CRIP2: variants seen among roughly 807,000 people sequenced by gnomAD.
CRIP2 encodes the protein cysteine-rich protein 2.
Under a neutral mutation model 31.3 loss-of-function variants are expected in CRIP2, and 31 were observed. The observed-to-expected ratio is 0.99, with a 90% confidence interval of 0.74 to 1.34. The LOEUF is 1.34. Ranked by LOEUF, CRIP2 falls within the 40% of genes most tolerant of loss-of-function variation. CRIP2 has a pLI of 0.00. For missense variants in CRIP2, 389 were observed against 301.6 expected (o/e 1.29, Z -2.15); for synonymous variants, 177 against 127.2 (o/e 1.39, Z -2.63).
At position 105,478,810 on chromosome 14, in the gene CRIP2, G is replaced by C. The variant is rs1363111204; in HGVS notation, c.276G>C (p.Glu92Asp). The change falls in exon 4 of 8, where the codon GAG (glutamate) becomes GAC (aspartate). Residue 92 changes from glutamate to aspartate, a missense_variant. By Grantham distance (45) the Glu-to-Asp change is conservative. Coordinates refer to ENST00000329146, the MANE Select transcript of CRIP2 (RefSeq NM_001312.4). This position sits in a 1 kb window ranked among gnomAD's most constrained non-coding sequence, Gnocchi z 4.9. Reference sequence around the variant, plus strand: ...GGCCGCAGGTCACCGGCCCCATCGAGGTCCCCGCGGCCCGAGCAGAGGAGC... The same window carrying C: ...GGCCGCAGGTCACCGGCCCCATCGACGTCCCCGCGGCCCGAGCAGAGGAGC... ...AEGPQVTGPIEVPAARAEERK... is the reference protein window; with the variant it reads ...AEGPQVTGPIDVPAARAEERK... 4.2e-6 allele frequency: 6 copies of C among 1,431,474 alleles called. No individual in the cohort carries two copies. The highest frequency in any genetic ancestry group is 5.9e-5 in the Admixed American group (2 of 33,936). 88.7% of individuals were successfully genotyped at this position (1,431,474 alleles called of 1,614,324 possible). A position where few individuals can be genotyped will look rare whatever the true frequency, so the allele number is the denominator to read the frequency against.
rs1293983106 is a variant in CRIP2, at chr14:105,478,088, C to T, written c.44-178C>T. Among the ~76,000 whole-genome samples, 1 of 151,260 alleles carries T rather than the reference C, an allele frequency of 6.6e-6. No individual in the cohort carries two copies. Among genetic ancestry groups the T allele is most frequent in the African/African-American group, 2.4e-5 (1 of 41,132 alleles). The stretch of plus-strand genomic sequence containing the variant: ...GAGGGAGAACAGGGCCTGGGGGCGA[C>T]GGGCTCCTCCGGGTCTCAGAAGGAG... On this transcript the variant is annotated intron_variant, in intron 1 of 7. Transcript: ENST00000329146. This position sits in a 1 kb window ranked among gnomAD's most constrained non-coding sequence, Gnocchi z 4.9.
rs587752934 is a variant in CRIP2, at chr14:105,479,742, C to T, written c.*89C>T. The T allele has an allele frequency of 2.2e-5, 31 of 1,396,278 alleles. No homozygotes were observed. The highest frequency in any genetic ancestry group is 1.7e-4 in the South Asian group (14 of 81,088). 86.5% of individuals were successfully genotyped at this position (1,396,278 alleles called of 1,614,324 possible). On this transcript the variant is annotated 3_prime_UTR_variant, in exon 8 of 8. Coordinates refer to ENST00000329146, the MANE Select transcript of CRIP2 (RefSeq NM_001312.4). ...TGGCTCTGCTGGGAGAGTGCTCAGC[C>T]GCCCAGTCCTGCCTGCAAGCCCAGG...
chr14:105,478,767 A>C lies in CRIP2; in HGVS notation c.233A>C (p.Glu78Ala). The C allele has an allele frequency of 1.4e-6, 2 of 1,429,804 alleles. No homozygotes were observed. The highest frequency in any genetic ancestry group is 1.8e-6 in the Non-Finnish European group (2 of 1,097,668). 88.6% of individuals were successfully genotyped at this position (1,429,804 alleles called of 1,614,324 possible). A position where few individuals can be genotyped will look rare whatever the true frequency, so the allele number is the denominator to read the frequency against. ...NIGGAGSYIY[E>A]KPLAEGPQVT... ...GGGGGCGCGGGCTCCTACATCTACG[A>C]GAAGCCCCTGGCGGAGGGGCCGCAG... The change falls in exon 4 of 8, where the codon GAG becomes GCG. Residue 78 changes from glutamate to alanine, a missense_variant. Physicochemically the swap from Glu to Ala is moderately radical, Grantham distance 107. Coordinates refer to ENST00000329146, the MANE Select transcript of CRIP2 (RefSeq NM_001312.4). This position sits in a 1 kb window ranked among gnomAD's most constrained non-coding sequence, Gnocchi z 4.9.
Position 105,478,658 on chromosome 14 carries a change from G to A in CRIP2, c.197-73G>A, listed in dbSNP as rs1555436477. 1.4e-6 allele frequency: 2 copies of A among 1,460,590 alleles called. No individual in the cohort carries two copies. Among genetic ancestry groups the A allele is most frequent in the Middle Eastern group, 2.5e-4 (1 of 4,070 alleles). The allele number at this position is 1,460,590 out of a possible 1,614,324, so 90.5% of individuals were successfully genotyped here. On this transcript the variant is annotated intron_variant, in intron 3 of 7. Coordinates refer to ENST00000329146, the MANE Select transcript of CRIP2 (RefSeq NM_001312.4). This position sits in a 1 kb window ranked among gnomAD's most constrained non-coding sequence, Gnocchi z 4.9. ...CCTAGTGCCCCCCAGTCCCCAGCGG[G>A]CCGTTTTCTGAGATGCCCGGTGGCC...
chr14:105,477,172 G>C (rs1383473312), intron 1 of CRIP2: 2 of 643,600 alleles, frequency 3.1e-6, no homozygotes, highest in Non-Finnish European at 3.9e-6. Context: ...GGCTCTGCTG[G>C]GCCCTTCCTG....
rs1555436407 is a variant in CRIP2, at chr14:105,478,457, G to A, written c.146G>A (p.Gly49Glu). ...LTPGGHAEHDGKPFCHKPCYA... is the reference protein window; with the variant it reads ...LTPGGHAEHDEKPFCHKPCYA... Reference sequence around the variant, plus strand: ...CCGCGCCCCTCTGCGCAGCATGACGGGAAGCCGTTCTGCCACAAGCCGTGC... The same window carrying A: ...CCGCGCCCCTCTGCGCAGCATGACGAGAAGCCGTTCTGCCACAAGCCGTGC... Residue 49 changes from glycine (G) to glutamate (E), a missense_variant, in exon 3 of 8, where the codon GGG becomes GAG. Transcript: ENST00000329146. This position sits in a 1 kb window ranked among gnomAD's most constrained non-coding sequence, Gnocchi z 4.9. 6.2e-7 allele frequency: 1 copy of A among 1,606,028 alleles called. No individual in the cohort carries two copies. The highest frequency in any genetic ancestry group is 1.7e-5 in the Admixed American group (1 of 59,824).
chr14:105,479,536 C>T, intron 7 of CRIP2, 43 bp downstream of exon 7: 1 of 1,612,798 alleles, frequency 6.2e-7, no homozygotes, highest in Non-Finnish European at 8.5e-7. Flanking sequence ...CCCTGCCCTC[C>T]CCTTCCCTCC....
intron 1 of CRIP2, among the ~76,000 whole-genome samples, chr14:105,477,851 G>GAGAGGCAGGTGTT (rs2083976428): frequency 9.9e-6 from 1 of 100,668 alleles, no homozygotes; most frequent in Non-Finnish European, 2.3e-5. Flanking sequence ...GCGGGTGTCC[G>GAGAGGCAGGTGTT]GGAGGCAGGT....
Position 105,479,108 on chromosome 14 carries a change from C to G in CRIP2, c.407-17C>G. 6.2e-7 allele frequency: 1 copy of G among 1,610,744 alleles called. No individual in the cohort carries two copies. The highest frequency in any genetic ancestry group is 8.5e-7 in the Non-Finnish European group (1 of 1,179,164). On this transcript the variant is annotated splice_polypyrimidine_tract_variant and intron_variant, in intron 5 of 7. Transcript: ENST00000329146. ...GCCCCCGCCCCGGGGCTCGGCCTCA[C>G]TCCTCCCCCTTTCCAGCTGAGAAGG...
Position 105,478,622 on chromosome 14 carries a change from A to G in CRIP2, c.197-109A>G. On this transcript the variant is annotated intron_variant, in intron 3 of 7. Coordinates refer to ENST00000329146, the MANE Select transcript of CRIP2 (RefSeq NM_001312.4). This position sits in a 1 kb window ranked among gnomAD's most constrained non-coding sequence, Gnocchi z 4.9. Reference sequence around the variant, plus strand: ...TGGATCCCCGCCCAGAGTCCCTGCCACCCTGGAAAGCCTAGTGCCCCCCAG... The same window carrying G: ...TGGATCCCCGCCCAGAGTCCCTGCCGCCCTGGAAAGCCTAGTGCCCCCCAG... The G allele has an allele frequency of 6.6e-7, 1 of 1,506,308 alleles. No individual in the cohort carries two copies. Among genetic ancestry groups the G allele is most frequent in the Non-Finnish European group, 8.9e-7 (1 of 1,124,966 alleles). 93.3% of individuals were successfully genotyped at this position (1,506,308 alleles called of 1,614,324 possible).
In CRIP2 at chr14:105,475,815, C is replaced by T. The variant is rs1296588323; in HGVS notation, c.43+910C>T. The T allele has an allele frequency of 5.1e-6, 5 of 985,234 alleles. No homozygotes were observed. In the African/African-American group the frequency reaches 8.7e-5, roughly 17 times the overall value. 61.0% of individuals were successfully genotyped at this position (985,234 alleles called of 1,614,324 possible). A position where few individuals can be genotyped will look rare whatever the true frequency, so the allele number is the denominator to read the frequency against. ...AGCTTTCTCCAGGGTGGTAAGGTCC[C>T]TGCCCACCTACCCACCAGCTGCTGC... On this transcript the variant is annotated intron_variant, in intron 1 of 7. Transcript: ENST00000329146.
rs1555436305 is a variant in CRIP2 at position 105,478,216 on chromosome 14, G to C, written c.44-50G>C. 7.2e-7 allele frequency: 1 copy of C among 1,398,464 alleles called. No individual in the cohort carries two copies. The highest frequency in any genetic ancestry group is 2.8e-5 in the Admixed American group (1 of 36,274). The allele number at this position is 1,398,464 out of a possible 1,614,324, so 86.6% of individuals were successfully genotyped here. A position where few individuals can be genotyped will look rare whatever the true frequency, so the allele number is the denominator to read the frequency against. ...GTGGCTGCCAGGTGGGGGCGGAGGG[G>C]GTGCGGGGCGCGCCCCGGCCCTGAC... is the stretch of plus-strand genomic sequence containing the variant. On this transcript the variant is annotated intron_variant, in intron 1 of 7. Coordinates refer to ENST00000329146, the MANE Select transcript of CRIP2 (RefSeq NM_001312.4). This position sits in a 1 kb window ranked among gnomAD's most constrained non-coding sequence, Gnocchi z 4.9.
rs1284696712 is a variant in CRIP2, at chr14:105,480,051, C to T, written c.*398C>T. 5 of 217,626 alleles carry T rather than the reference C, an allele frequency of 2.3e-5. No homozygotes were observed. Among genetic ancestry groups the T allele is most frequent in the Non-Finnish European group, 4.7e-5 (5 of 107,198 alleles). The allele number at this position is 217,626 out of a possible 1,614,324, so 13.5% of individuals were successfully genotyped here. A position where few individuals can be genotyped will look rare whatever the true frequency, so the allele number is the denominator to read the frequency against. On this transcript the variant is annotated 3_prime_UTR_variant, in exon 8 of 8. Coordinates refer to ENST00000329146, the MANE Select transcript of CRIP2 (RefSeq NM_001312.4). ...TCACCATGTCCCTGGCAGAGGGCTT[C>T]CCTCCGGGATCCCCTGCCTGGTGCC...
In CRIP2 at chr14:105,474,999, G is replaced by GCCCGGC. The variant is rs1221777661; in HGVS notation, c.43+106_43+111dup. 2.9e-5 allele frequency: 37 copies of GCCCGGC among 1,293,656 alleles called. No individual in the cohort carries two copies. The highest frequency in any genetic ancestry group is 2.2e-4 in the South Asian group (11 of 50,932). The allele number at this position is 1,293,656 out of a possible 1,614,324, so 80.1% of individuals were successfully genotyped here. ...AGAGCCGCGGCGTAACTCGGGGTGCGCCCGGCCCCGGCCCCGGACCGAGGA... is the reference window on the plus strand; with the variant it reads ...AGAGCCGCGGCGTAACTCGGGGTGCGCCCGGCCCCGGCCCCGGCCCCGGACCGAGGA... On this transcript the variant is annotated intron_variant, in intron 1 of 7. Coordinates refer to ENST00000329146, the MANE Select transcript of CRIP2 (RefSeq NM_001312.4). The surrounding 1 kb of genome is among the most constrained non-coding windows in gnomAD (Gnocchi z 5.1).
intron 1 of CRIP2, chr14:105,476,939 C>A: frequency 4.1e-6 from 1 of 244,812 alleles, no homozygotes; most frequent in Non-Finnish European, 6.5e-6. Context: ...CCAGGAGCAG[C>A]ACCCTTGGGC....
intron 1 of CRIP2, chr14:105,477,629 G>A (rs951979500): frequency 9.0e-6 from 8 of 892,614 alleles, no homozygotes; most frequent in Non-Finnish European, 1.0e-5. Flanking sequence ...AAGTGTTTGA[G>A]GGAATGACAG....
chr14:105,477,352 C>T lies in CRIP2; in HGVS notation c.44-914C>T, dbSNP rs368010211. The stretch of plus-strand genomic sequence containing the variant: ...CCAGTGGCAGCCAGGGGCATTACGG[C>T]GGGGGGAGAGCTCAGGGTTTAGGAC... On this transcript the variant is annotated intron_variant, in intron 1 of 7. Transcript: ENST00000329146. 50 of 985,102 alleles carry T rather than the reference C, an allele frequency of 5.1e-5. No homozygotes were observed. The South Asian group carries it at 6.6e-4, about 13-fold the overall frequency. The allele number at this position is 985,102 out of a possible 1,614,324, so 61.0% of individuals were successfully genotyped here.
In CRIP2 at chr14:105,478,209, C is replaced by A; in HGVS notation, c.44-57C>A. 1 of 1,335,230 alleles carries A rather than the reference C, an allele frequency of 7.5e-7. No homozygotes were observed. Among genetic ancestry groups the A allele is most frequent in the Non-Finnish European group, 9.9e-7 (1 of 1,010,596 alleles). 82.7% of individuals were successfully genotyped at this position (1,335,230 alleles called of 1,614,324 possible). A position where few individuals can be genotyped will look rare whatever the true frequency, so the allele number is the denominator to read the frequency against. ...GGGGGTGGTGGCTGCCAGGTGGGGG[C>A]GGAGGGGGTGCGGGGCGCGCCCCGG... On this transcript the variant is annotated intron_variant, in intron 1 of 7. Coordinates refer to ENST00000329146, the MANE Select transcript of CRIP2 (RefSeq NM_001312.4). The surrounding 1 kb of genome is among the most constrained non-coding windows in gnomAD (Gnocchi z 4.9).
At position 105,477,315 on chromosome 14, in the gene CRIP2, A is replaced by G. The variant is rs587650043; in HGVS notation, c.44-951A>G. The G allele has an allele frequency of 1.0e-4, 102 of 985,528 alleles. 1 individual carries two copies. The South Asian group carries it at 4.1e-3, about 39-fold the overall frequency. 61.0% of individuals were successfully genotyped at this position (985,528 alleles called of 1,614,324 possible). On this transcript the variant is annotated intron_variant, in intron 1 of 7. Coordinates refer to ENST00000329146, the MANE Select transcript of CRIP2 (RefSeq NM_001312.4). ...TCCCGGACCCTCAGCAGCTGCCCTC[A>G]GATCTTCCATGCCAGTGGCAGCCAG...
Sources: gnomAD v4.1 joint callset for allele counts (sites outside exome capture counted in the v4.1 genomes callset) on GRCh38, gnomAD v4.1.1 for gene constraint, Gnocchi (gnomAD v3.1) non-coding constraint, MANE v1.5 for transcripts, NCBI Gene and HGNC (gene_info 2026-07-23, HGNC 2026-07-21) for gene names.